The following FOXP2 variants were observed in gnomAD, a reference collection of about 807,000 sequenced individuals.
FOXP2 encodes forkhead box protein P2.
Under a neutral mutation model 115.8 loss-of-function variants are expected in FOXP2, and 12 were observed. The observed-to-expected ratio is 0.10, with a 90% CI of 0.07 to 0.17. FOXP2 has a LOEUF of 0.17. Ranked by LOEUF, FOXP2 falls within the 10% of genes least tolerant of loss-of-function variation. The pLI, the probability that FOXP2 is intolerant of heterozygous loss-of-function variation, is 1.00. For missense variants in FOXP2, 629 were observed against 843.5 expected, an observed-to-expected ratio of 0.75 and a Z score of 3.15; for synonymous variants, 328 against 297.7, an observed-to-expected ratio of 1.10 and a Z score of -1.05.
chr7:114,346,575 C>A (rs1217123292), intron 2 of FOXP2, among the ~76,000 whole-genome samples: 1 of 151,722 alleles, frequency 6.6e-6, no homozygotes, highest in African/African-American at 2.4e-5. Context: ...TATATATACA[C>A]AATGGAATAC....
intron 1 of FOXP2, among the ~76,000 whole-genome samples, chr7:114,132,749 T>C (rs1416223609): frequency 1.3e-5 from 2 of 151,944 alleles, no homozygotes; most frequent in African/African-American, 4.8e-5. Context: ...AGTATTGAAG[T>C]AGAAGTGTCC....
At position 114,684,387 on chromosome 7, in the gene FOXP2, AAACACACTCCTG is replaced by A. The variant is rs1808247792; in HGVS notation, c.2004-5394_2004-5383del. On this transcript the variant is annotated intron_variant, in intron 16 of 16. Transcript: ENST00000350908. The stretch of plus-strand genomic sequence containing the variant: ...CTTCTCAAGTGTCCTGAGTATATTA[AAACACACTCCTG>A]CACAAGAGCTCACATCTGTATCTAA... Among the ~76,000 whole-genome samples the A allele has an allele frequency of 2.6e-5, 4 of 152,296 alleles. 1 individual carries two copies. The South Asian group carries it at 8.3e-4, about 32-fold the overall frequency.
intron 16 of FOXP2, among the ~76,000 whole-genome samples, chr7:114,672,362 A>G (rs1289208498): frequency 6.6e-6 from 1 of 152,214 alleles, no homozygotes; most frequent in Non-Finnish European, 1.5e-5. Flanking sequence ...AGGTGGGCAG[A>G]TCACCTGAGG....
intron 1 of FOXP2, among the ~76,000 whole-genome samples, chr7:114,274,380 T>A (rs1796132522): frequency 1.3e-5 from 2 of 152,088 alleles, no homozygotes; most frequent in Admixed American, 1.3e-4. Flanking sequence ...AATTTTACCT[T>A]CTCTTATTCC....
intron 3 of FOXP2, among the ~76,000 whole-genome samples, chr7:114,622,989 A>G (rs1461052325): frequency 6.6e-6 from 1 of 151,966 alleles, no homozygotes; most frequent in Non-Finnish European, 1.5e-5. Context: ...ATAAATGACT[A>G]TACCTCTTTT....
chr7:114,191,620 C>T (rs1793763653), intron 1 of FOXP2, among the ~76,000 whole-genome samples: 1 of 152,118 alleles, frequency 6.6e-6, no homozygotes, highest in Non-Finnish European at 1.5e-5. Context: ...GTGGGCTTTT[C>T]AAAATAGAAG....
intron 16 of FOXP2, among the ~76,000 whole-genome samples, chr7:114,673,458 A>G (rs766221557): frequency 8.5e-5 from 13 of 152,208 alleles, no homozygotes; most frequent in Admixed American, 1.3e-4. Context: ...GAAGAATTAC[A>G]TTGTGTTTTT....
chr7:114,222,948 A>G (rs1794660324), intron 1 of FOXP2, among the ~76,000 whole-genome samples: 1 of 152,212 alleles, frequency 6.6e-6, no homozygotes, highest in Non-Finnish European at 1.5e-5. Flanking sequence ...GCATTCATTC[A>G]GGTTTACTAT....
At chr7:114,468,069 G>T (rs1263855649) in intron 2 of FOXP2, among the ~76,000 whole-genome samples, 1 of 152,056 alleles carries the variant, frequency 6.6e-6, no homozygotes, top group Non-Finnish European at 1.5e-5. Context: ...TTTCCTAGCT[G>T]TGATCTCTAC....
intron 1 of FOXP2, among the ~76,000 whole-genome samples, chr7:114,271,585 T>C (rs1199892109): frequency 2.4e-5 from 3 of 125,420 alleles, no homozygotes; most frequent in African/African-American, 9.2e-5. Flanking sequence ...TATATATTAA[T>C]ATTATTATAA....
chr7:114,573,148 A>G (rs961309532), intron 3 of FOXP2, among the ~76,000 whole-genome samples: 5 of 151,784 alleles, frequency 3.3e-5, no homozygotes, highest in African/African-American at 1.2e-4. Flanking sequence ...CCAATTTCAT[A>G]CTTCATCTTG....
rs543269471 is a variant in FOXP2 at position 114,651,724 on chromosome 7, G to A, written c.1095-479G>A. Among the ~76,000 whole-genome samples, 8 of 151,998 alleles carry A rather than the reference G, an allele frequency of 5.3e-5. No individual in the cohort carries two copies. In the South Asian group the frequency reaches 6.2e-4, roughly 12 times the overall value. ...TTCTTCATAAATATTGATTTTCCACGGGAGATAATTTGCCATCTTTACCTA... is the reference window on the plus strand; with the variant it reads ...TTCTTCATAAATATTGATTTTCCACAGGAGATAATTTGCCATCTTTACCTA... On this transcript the variant is annotated intron_variant, in intron 8 of 16. Coordinates refer to ENST00000350908, the MANE Select transcript of FOXP2 (RefSeq NM_014491.4).
At chr7:114,242,028 C>T (rs1795167771) in intron 1 of FOXP2, among the ~76,000 whole-genome samples, 1 of 148,366 alleles carries the variant, frequency 6.7e-6, no homozygotes. Context: ...ATCTAGTAGC[C>T]TCTCCCTGAC....
chr7:114,386,127 A>C (rs1792445066), intron 2 of FOXP2, among the ~76,000 whole-genome samples: 1 of 152,200 alleles, frequency 6.6e-6, no homozygotes. Context: ...TGCCGGATCC[A>C]GAGGGATGGG....
At chr7:114,247,268 G>T (rs1158192677) in intron 1 of FOXP2, among the ~76,000 whole-genome samples, 1 of 152,016 alleles carries the variant, frequency 6.6e-6, no homozygotes, top group Non-Finnish European at 1.5e-5. Flanking sequence ...CTATAACCCA[G>T]AACTTTTTTA....
intron 2 of FOXP2, among the ~76,000 whole-genome samples, chr7:114,482,434 A>T (rs1796598906): frequency 6.6e-6 from 1 of 151,568 alleles, no homozygotes. Flanking sequence ...GAGATTTTTT[A>T]AATCAATTTG....
At chr7:114,564,067 A>C (rs754646624) in intron 3 of FOXP2, among the ~76,000 whole-genome samples, 2 of 148,692 alleles carry the variant, frequency 1.3e-5, no homozygotes, top group Non-Finnish European at 3.0e-5. Flanking sequence ...TTGTCAAAAA[A>C]CAAACATACA....
chr7:114,611,020 G>A (rs1025065506), intron 3 of FOXP2, among the ~76,000 whole-genome samples: 2 of 152,122 alleles, frequency 1.3e-5, no homozygotes, highest in Non-Finnish European at 2.9e-5. Context: ...GATAAAACGT[G>A]TGAAATTCTG....
intron 2 of FOXP2, among the ~76,000 whole-genome samples, chr7:114,430,463 C>T (rs1467693074): frequency 6.6e-6 from 1 of 151,672 alleles, no homozygotes; most frequent in Non-Finnish European, 1.5e-5. Context: ...AGATTTTAGA[C>T]ATTGTTTGAC....
Sources: gnomAD v4.1 joint callset for allele counts (sites outside exome capture counted in the v4.1 genomes callset) on GRCh38, gnomAD v4.1.1 for gene constraint, MANE v1.5 for transcripts, NCBI Gene and HGNC (gene_info 2026-07-23, HGNC 2026-07-21) for gene names.